The following WDR64 variants were observed in gnomAD, a reference collection of about 807,000 sequenced individuals.
WDR64 encodes the protein WD repeat domain 64, also known as WD repeat-containing protein 64.
In WDR64, 112 loss-of-function variants were observed where a neutral mutation model predicts 139.3. That is an observed-to-expected ratio of 0.80 (90% confidence interval 0.69 to 0.94). The LOEUF (loss-of-function observed/expected upper bound fraction) is 0.94. Among genes scored for constraint, WDR64 ranks in the 40% least tolerant of loss-of-function variants. The pLI, the probability that WDR64 is intolerant of heterozygous loss-of-function variation, is 0.00. For missense variants in WDR64, 1,206 were observed against 1,293.1 expected (o/e 0.93, Z 1.03); for synonymous variants, 444 against 437.7 (o/e 1.01, Z -0.18).
intron 1 of WDR64, among the ~76,000 whole-genome samples, chr1:241,655,149 C>T (rs574166606): frequency 5.3e-5 from 8 of 152,282 alleles, no homozygotes; most frequent in Non-Finnish European, 1.0e-4. Context: ...CTTTGGGAGG[C>T]CAAGGTGGGC....
At chr1:241,663,663 G>A (rs1159776633) in intron 2 of WDR64, among the ~76,000 whole-genome samples, 2 of 152,214 alleles carry the variant, frequency 1.3e-5, no homozygotes, top group African/African-American at 2.4e-5. Context: ...CCAAAGCTGT[G>A]CTGTCCGACA....
intron 10 of WDR64, among the ~76,000 whole-genome samples, chr1:241,734,728 A>G (rs925792876): frequency 1.3e-5 from 2 of 152,130 alleles, no homozygotes; most frequent in African/African-American, 4.8e-5. Context: ...ATGAGTCATC[A>G]TATTATAATT....
chr1:241,701,780 T>C lies in WDR64; in HGVS notation c.975-10022T>C, dbSNP rs890189414. 2.0e-5 allele frequency among the ~76,000 whole-genome samples: 3 copies of C among 152,254 alleles called. No individual in the cohort carries two copies. In the East Asian group the frequency reaches 5.8e-4, roughly 29 times the overall value. ...GTGAGGTAGTGTAATCATGTTTTCC[T>C]GAGCAGCCACTGCCATTGTAGAGTC... On this transcript the variant is annotated intron_variant, in intron 8 of 27. Coordinates refer to ENST00000437684, the MANE Select transcript of WDR64 (RefSeq NM_001367482.1).
chr1:241,701,214 C>T (rs1326627550), intron 8 of WDR64, among the ~76,000 whole-genome samples: 6 of 152,178 alleles, frequency 3.9e-5, no homozygotes, highest in Non-Finnish European at 8.8e-5. Flanking sequence ...CACATTTTCA[C>T]AATCTCCTTC....
At chr1:241,681,650 T>C (rs1666796239) in intron 6 of WDR64, among the ~76,000 whole-genome samples, 1 of 152,214 alleles carries the variant, frequency 6.6e-6, no homozygotes, top group African/African-American at 2.4e-5. Context: ...GTAGTGGGAA[T>C]GCTGGATCAA....
chr1:241,724,577 A>C (rs1213438579), intron 10 of WDR64, among the ~76,000 whole-genome samples: 2 of 152,228 alleles, frequency 1.3e-5, no homozygotes, highest in Non-Finnish European at 2.9e-5. Flanking sequence ...ATGTAATCAG[A>C]TCATGATTTC....
chr1:241,801,031 G>C, intron 27 of WDR64, 101 bp from the exon 28 acceptor site: 1 of 856,300 alleles, frequency 1.2e-6, no homozygotes, highest in Non-Finnish European at 1.9e-6. Flanking sequence ...TTTCTAGGAG[G>C]ATTAAAATCT....
At chr1:241,675,091 T>TCCCTCCCTCCTTCCC (rs1666462716) in intron 4 of WDR64, among the ~76,000 whole-genome samples, 3 of 93,470 alleles carry the variant, frequency 3.2e-5, no homozygotes, top group Non-Finnish European at 4.2e-5. Context: ...CCCTTCATCC[T>TCCCTCCCTCCTTCCC]TCCTCCCTCC....
chr1:241,727,999 G>C (rs894272485), intron 10 of WDR64, among the ~76,000 whole-genome samples: 3 of 151,948 alleles, frequency 2.0e-5, no homozygotes, highest in Admixed American at 6.6e-5. Context: ...CCAGCCCCGT[G>C]AAGATCTAGG....
chr1:241,771,523 C>T (rs1658428684), intron 18 of WDR64, 138 bp from the exon 19 acceptor site: 2 of 521,750 alleles, frequency 3.8e-6, no homozygotes, highest in Non-Finnish European at 6.2e-6. Context: ...ACATTTTTTT[C>T]AAAAAAAAAT....
intron 14 of WDR64, among the ~76,000 whole-genome samples, chr1:241,756,201 T>C (rs555167896): frequency 6.6e-6 from 1 of 152,324 alleles, no homozygotes; most frequent in African/African-American, 2.4e-5. Flanking sequence ...GAGCATGGGA[T>C]GTTTTTCCAT....
Position 241,756,573 on chromosome 1 carries a change from C to T in WDR64, c.1771-710C>T, listed in dbSNP as rs182745391. ...TTAAAGGGTCCCATTTCATATTCAT[C>T]GGGCAAAACAACTAAGAAAATAAAA... On this transcript the variant is annotated intron_variant, in intron 14 of 27. Coordinates refer to ENST00000437684, the MANE Select transcript of WDR64 (RefSeq NM_001367482.1). 6.6e-5 allele frequency among the ~76,000 whole-genome samples: 10 copies of T among 152,132 alleles called. No individual in the cohort carries two copies. The East Asian group carries it at 1.3e-3, about 21-fold the overall frequency.
At position 241,774,979 on chromosome 1, in the gene WDR64, T is replaced by C. The variant is rs147519657; in HGVS notation, c.2431-126T>C. ...ATTATTTTCATTACAAACAGGGGAA[T>C]CGTGGTTCAGTAGTAGAGATAATTC... On this transcript the variant is annotated intron_variant, in intron 20 of 27. Transcript: ENST00000437684. The C allele has an allele frequency of 4.4e-4, 307 of 705,086 alleles. No individual in the cohort carries two copies. In the East Asian group the frequency reaches 8.1e-3, roughly 19 times the overall value. 43.7% of individuals were successfully genotyped at this position (705,086 alleles called of 1,614,324 possible).
intron 6 of WDR64, among the ~76,000 whole-genome samples, chr1:241,681,602 T>A (rs1666793857): frequency 6.6e-6 from 1 of 152,002 alleles, no homozygotes; most frequent in Non-Finnish European, 1.5e-5. Flanking sequence ...GAGTAGCTTT[T>A]ATATATAAGG....
At chr1:241,717,819 A>G (rs1165491271) in intron 9 of WDR64, among the ~76,000 whole-genome samples, 1 of 152,158 alleles carries the variant, frequency 6.6e-6, no homozygotes, top group South Asian at 2.1e-4. Flanking sequence ...TATTTCATAT[A>G]TCTGTGTATC....
At chr1:241,762,902 A>G (rs1372787849) in intron 15 of WDR64, among the ~76,000 whole-genome samples, 2 of 152,216 alleles carry the variant, frequency 1.3e-5, no homozygotes, top group Admixed American at 6.5e-5. Flanking sequence ...TGGAACTGCA[A>G]TTTGAATGTC....
chr1:241,757,116 G>A (rs562957942), intron 14 of WDR64, among the ~76,000 whole-genome samples, 167 bp from the exon 15 acceptor site: 1 of 152,278 alleles, frequency 6.6e-6, no homozygotes, highest in South Asian at 2.1e-4. Context: ...ACTCTAGGGA[G>A]GGAAGAAAGA....
intron 7 of WDR64, among the ~76,000 whole-genome samples, chr1:241,685,012 C>T (rs1666952829): frequency 2.0e-5 from 3 of 152,000 alleles, no homozygotes; most frequent in Non-Finnish European, 4.4e-5. Flanking sequence ...CCGCCTCGGC[C>T]TCCCAAAGTG....
intron 1 of WDR64, among the ~76,000 whole-genome samples, chr1:241,654,072 A>C (rs1296673369): frequency 6.6e-6 from 1 of 152,206 alleles, no homozygotes; most frequent in Non-Finnish European, 1.5e-5. Flanking sequence ...ACGTCATAAA[A>C]GAAAGCAAGG....
Sources: allele counts gnomAD v4.1 joint callset (sites outside exome capture counted in the v4.1 genomes callset), GRCh38; gene constraint gnomAD v4.1.1; transcripts MANE v1.5; gene names NCBI Gene and HGNC (gene_info 2026-07-23, HGNC 2026-07-21).